Variants in GSE1 observed in about 807,000 individuals in gnomAD.
GSE1 encodes the protein Gse1 coiled-coil protein.
A neutral mutation model predicts 112.6 loss-of-function variants in GSE1; 32 were observed. The observed-to-expected ratio is 0.28, with a 90% CI of 0.21 to 0.38. GSE1 has a LOEUF of 0.38. Among genes scored for constraint, GSE1 ranks in the 10% least tolerant of loss-of-function variants. GSE1 has a pLI of 1.00. For synonymous variants in GSE1, 1,115 were observed against 735.6 expected, an observed-to-expected ratio of 1.52 and a Z score of -8.35; for missense variants, 2,348 against 1,699.2, an observed-to-expected ratio of 1.38 and a Z score of -6.71.
rs564272210 is a variant in GSE1, at chr16:85,627,044, C to CTTTTTTTTTTTTT, written c.8-6850_8-6838dup. ...GGACTTTGCTTCCTTTTCTTCTTGC[C>CTTTTTTTTTTTTT]TTTTTTTTTTTTTTTTTTTTTTTTT... On this transcript the variant is annotated intron_variant, in intron 1 of 15. Coordinates refer to ENST00000253458, the MANE Select transcript of GSE1 (RefSeq NM_014615.5). Among the ~76,000 whole-genome samples the CTTTTTTTTTTTTT allele has an allele frequency of 6.7e-3, 168 of 25,066 alleles. 30 individuals carry two copies. Among genetic ancestry groups the CTTTTTTTTTTTTT allele is most frequent in the East Asian group, 0.011 (6 of 554 alleles). The allele number at this position is 25,066 out of a possible 152,430, so 16.4% of individuals were successfully genotyped here.
chr16:85,173,063 T>C (rs897973249), intron 1 of GSE1, among the ~76,000 whole-genome samples: 2 of 152,352 alleles, frequency 1.3e-5, no homozygotes, highest in East Asian at 3.9e-4. Flanking sequence ...CCGTCACAGA[T>C]GCTGAAGCTC....
chr16:85,307,287 T>C (rs923819080), intron 1 of GSE1, among the ~76,000 whole-genome samples: 1 of 152,152 alleles, frequency 6.6e-6, no homozygotes, highest in African/African-American at 2.4e-5. Flanking sequence ...CTTTCTCTTG[T>C]TTCTTTTCTA....
chr16:85,640,029 A>C (rs960761700), intron 2 of GSE1, among the ~76,000 whole-genome samples: 2 of 152,174 alleles, frequency 1.3e-5, no homozygotes, highest in African/African-American at 4.8e-5. Context: ...CTTTGGGAAC[A>C]GGGTGGCTCC....
chr16:85,283,457 A>G (rs1475244067), intron 1 of GSE1: 1 of 152,684 alleles, frequency 6.5e-6, no homozygotes, highest in African/African-American at 2.4e-5. Flanking sequence ...TCTGGAGCGA[A>G]TGGGCTCGTG....
At chr16:85,670,052 G>A (rs900740470) in intron 14 of GSE1, among the ~76,000 whole-genome samples, 3 of 152,222 alleles carry the variant, frequency 2.0e-5, no homozygotes, top group East Asian at 1.9e-4. Flanking sequence ...ATTTACAGGC[G>A]TGGTTGGCAT....
intron 1 of GSE1, among the ~76,000 whole-genome samples, chr16:85,192,661 G>A (rs543521933): frequency 7.4e-4 from 112 of 152,230 alleles, no homozygotes; most frequent in Non-Finnish European, 7.2e-4. Context: ...TAAGCTCGTC[G>A]GGCACTGGGG....
At chr16:85,645,610 T>G (rs1019917007) in intron 2 of GSE1, among the ~76,000 whole-genome samples, 1 of 152,222 alleles carries the variant, frequency 6.6e-6, no homozygotes, top group Non-Finnish European at 1.5e-5. Context: ...CCACTTTGGC[T>G]GCCTGAGGCC....
intron 1 of GSE1, among the ~76,000 whole-genome samples, chr16:85,240,368 GC>G (rs35571038): frequency 0.074 from 11,274 of 152,148 alleles, 913 homozygotes; most frequent in African/African-American, 0.2. Flanking sequence ...GTTGGCTCAG[GC>G]CCCCTCAGGG....
chr16:85,359,391 A>C (rs561910648), intron 2 of GSE1: 79 of 456,068 alleles, frequency 1.7e-4, no homozygotes, highest in South Asian at 1.2e-3. Flanking sequence ...GGAGCAGAAC[A>C]AGGCCCAGAT....
At chr16:85,521,170 A>G (rs2052172618) in intron 2 of GSE1, among the ~76,000 whole-genome samples, 1 of 152,202 alleles carries the variant, frequency 6.6e-6, no homozygotes, top group African/African-American at 2.4e-5. Context: ...ACCGATTGCC[A>G]TCCGCTGATA....
At chr16:85,436,854 C>G (rs532871756) in intron 2 of GSE1, among the ~76,000 whole-genome samples, 1 of 152,196 alleles carries the variant, frequency 6.6e-6, no homozygotes, top group Non-Finnish European at 1.5e-5. Context: ...GGGCTGGGCT[C>G]GGTTCCCCCA....
chr16:85,287,931 G>C (rs2045087435), intron 1 of GSE1, among the ~76,000 whole-genome samples: 1 of 152,164 alleles, frequency 6.6e-6, no homozygotes, highest in African/African-American at 2.4e-5. Context: ...AGGAAGAAAT[G>C]GAGATCATCA....
chr16:85,316,875 AC>A (rs2045997010), intron 1 of GSE1, among the ~76,000 whole-genome samples: 2 of 152,148 alleles, frequency 1.3e-5, no homozygotes. Context: ...CCCTCAGGGC[AC>A]AGGGTACGGC....
intron 1 of GSE1, among the ~76,000 whole-genome samples, chr16:85,174,567 C>CGCCA (rs2074423015): frequency 6.6e-6 from 1 of 152,224 alleles, no homozygotes; most frequent in African/African-American, 2.4e-5. Flanking sequence ...ATTTATGGAG[C>CGCCA]GCCAGCTCTG....
intron 2 of GSE1, among the ~76,000 whole-genome samples, chr16:85,534,353 C>G (rs1443395960): frequency 6.6e-6 from 1 of 152,130 alleles, no homozygotes; most frequent in Non-Finnish European, 1.5e-5. Context: ...AACTCCTGAC[C>G]TCAAGTGATC....
chr16:85,580,606 C>A (rs1598265823), intron 1 of GSE1, among the ~76,000 whole-genome samples: 1 of 152,228 alleles, frequency 6.6e-6, no homozygotes, highest in South Asian at 2.1e-4. Context: ...TGGCTGACAT[C>A]TGTTGGTATC....
chr16:85,600,486 T>C (rs2047413226), intron 1 of GSE1, among the ~76,000 whole-genome samples: 1 of 151,786 alleles, frequency 6.6e-6, no homozygotes, highest in South Asian at 2.1e-4. Flanking sequence ...AGGCTAGTGT[T>C]GAGAGGCAGT....
intron 1 of GSE1, among the ~76,000 whole-genome samples, chr16:85,261,923 A>C (rs1907733628): frequency 6.6e-6 from 1 of 152,048 alleles, no homozygotes; most frequent in Non-Finnish European, 1.5e-5. Context: ...GTATCCTGAG[A>C]TATGTGTATT....
intron 1 of GSE1, among the ~76,000 whole-genome samples, chr16:85,239,554 T>C (rs1905005858): frequency 6.6e-6 from 1 of 152,228 alleles, no homozygotes; most frequent in African/African-American, 2.4e-5. Context: ...CTCAGGATCC[T>C]GGTGCTACCA....
Sources: gnomAD v4.1 joint callset for allele counts (sites outside exome capture counted in the v4.1 genomes callset) on GRCh38, gnomAD v4.1.1 for gene constraint, MANE v1.5 for transcripts, NCBI Gene and HGNC (gene_info 2026-07-23, HGNC 2026-07-21) for gene names.